Variants in SEPTIN11 observed in about 807,000 individuals in gnomAD.
SEPTIN11 encodes septin-11.
Under a neutral mutation model 51.4 loss-of-function variants are expected in SEPTIN11, and 25 were observed. The observed-to-expected ratio is 0.49, with a 90% CI of 0.35 to 0.68. SEPTIN11 has a LOEUF of 0.68. SEPTIN11 is among the 30% of genes least tolerant of loss of function. The pLI, the probability that SEPTIN11 is intolerant of heterozygous loss-of-function variation, is 0.00. For synonymous variants in SEPTIN11, 174 were observed against 184.1 expected (o/e 0.95, Z 0.44); for missense variants, 381 against 520.8 (o/e 0.73, Z 2.61).
chr4:77,016,247 T>C (rs1356040882), intron 5 of SEPTIN11, among the ~76,000 whole-genome samples: 1 of 151,886 alleles, frequency 6.6e-6, no homozygotes, highest in Non-Finnish European at 1.5e-5. Flanking sequence ...GCTGTTATTA[T>C]TCCTCCCTCA....
rs139320198 is a variant in SEPTIN11 at position 76,995,949 on chromosome 4, C to A, written c.28-476C>A. 250 of 1,534,806 alleles carry A rather than the reference C, an allele frequency of 1.6e-4. No individual in the cohort carries two copies. The African/African-American group carries it at 3.1e-3, about 19-fold the overall frequency. On this transcript the variant is annotated intron_variant, in intron 1 of 9. Transcript: ENST00000264893. The stretch of plus-strand genomic sequence containing the variant: ...TATGCTGCATTTATGGTAGGTAGAG[C>A]ATTGTCATCATTGTAAGGAGTATGA...
Position 77,019,118 on chromosome 4 carries a change from T to G in SEPTIN11, c.688-47T>G, listed in dbSNP as rs1327011901. ...AGATAGAGACTGGTGGAAACCAGTC[T>G]GTCAGAGCAGGGGAAAGTAACTATT... On this transcript the variant is annotated intron_variant, in intron 5 of 9. Coordinates refer to ENST00000264893, the MANE Select transcript of SEPTIN11 (RefSeq NM_018243.4). 5 of 1,546,388 alleles carry G rather than the reference T, an allele frequency of 3.2e-6. No homozygotes were observed. In the East Asian group the frequency reaches 9.2e-5, roughly 29 times the overall value.
At chr4:77,011,648 G>A in intron 3 of SEPTIN11, 87 bp from the exon 4 acceptor site, 2 of 1,292,196 alleles carry the variant, frequency 1.5e-6, no homozygotes, top group African/African-American at 1.5e-5. Flanking sequence ...TTAGCCCTTA[G>A]GAGAGAAGAA....
chr4:76,974,145 C>G (rs569984993), intron 1 of SEPTIN11, among the ~76,000 whole-genome samples: 1 of 152,236 alleles, frequency 6.6e-6, no homozygotes, highest in African/African-American at 2.4e-5. Context: ...GAATTGGTTT[C>G]TCTCCCCTCT....
rs993636055 is a variant in SEPTIN11, at chr4:77,038,482, A to G, written c.*3970A>G. On this transcript the variant is annotated 3_prime_UTR_variant, in exon 10 of 10. Transcript: ENST00000264893. ...GAAGCATATCATTTTTTCAAATATG[A>G]AAGTGATCACTTAGCAACATGCTTG... is the stretch of plus-strand genomic sequence containing the variant. 3.0e-6 allele frequency: 3 copies of G among 985,886 alleles called. No homozygotes were observed. The highest frequency in any genetic ancestry group is 3.6e-6 in the Non-Finnish European group (3 of 830,020). 61.1% of individuals were successfully genotyped at this position (985,886 alleles called of 1,614,324 possible). A position where few individuals can be genotyped will look rare whatever the true frequency, so the allele number is the denominator to read the frequency against.
In SEPTIN11 at chr4:77,014,911, A is replaced by T. The variant is rs1725111830; in HGVS notation, c.581A>T (p.His194Leu). 1 of 1,614,204 alleles carries T rather than the reference A, an allele frequency of 6.2e-7. No homozygotes were observed. Among genetic ancestry groups the T allele is most frequent in the Admixed American group, 1.7e-5 (1 of 60,026 alleles). Reference sequence around the variant, plus strand: ...GACACCATTGCCAAGAATGAACTGCACAAATTCAAGAGTAAGATCATGAGT... The same window carrying T: ...GACACCATTGCCAAGAATGAACTGCTCAAATTCAAGAGTAAGATCATGAGT... ...KADTIAKNEL[H>L]KFKSKIMSEL... is the part of the protein sequence containing the mutation. The change falls in exon 5 of 10, where the codon CAC (histidine) becomes CTC (leucine). Residue 194 changes from histidine to leucine, a missense_variant. Physicochemically the swap from His to Leu is moderately conservative, Grantham distance 99. Around this residue, in one of 2 missense-constraint regions of SEPTIN11, gnomAD observed 197 missense variants for 313.1 expected, o/e 0.63. Transcript: ENST00000264893.
At chr4:77,021,675 A>C (rs542264981) in intron 7 of SEPTIN11, 1 of 152,330 alleles carries the variant, frequency 6.6e-6, no homozygotes, top group African/African-American at 2.4e-5. Flanking sequence ...TGGGGAAAAA[A>C]AACCTGTCTT....
At chr4:76,966,448 AC>A (rs777730712) in intron 1 of SEPTIN11, among the ~76,000 whole-genome samples, 2 of 152,130 alleles carry the variant, frequency 1.3e-5, no homozygotes, top group Non-Finnish European at 2.9e-5. Context: ...CAAAGAAGCC[AC>A]AAGATGAGTA....
In SEPTIN11 at chr4:77,036,026, C is replaced by A; in HGVS notation, c.*1514C>A. On this transcript the variant is annotated 3_prime_UTR_variant, in exon 10 of 10. Transcript: ENST00000264893. Reference sequence around the variant, plus strand: ...CTGCGTCTCCCCTGACACACACTTTCTTTTTTGAATGAGCAAGTCTCCATT... The same window carrying A: ...CTGCGTCTCCCCTGACACACACTTTATTTTTTGAATGAGCAAGTCTCCATT... 1.0e-6 allele frequency: 1 copy of A among 985,894 alleles called. No homozygotes were observed. The highest frequency in any genetic ancestry group is 1.2e-6 in the Non-Finnish European group (1 of 829,964). The allele number at this position is 985,894 out of a possible 1,614,324, so 61.1% of individuals were successfully genotyped here. A position where few individuals can be genotyped will look rare whatever the true frequency, so the allele number is the denominator to read the frequency against.
rs1725925357 is a variant in SEPTIN11 at position 77,024,001 on chromosome 4, TC to T, written c.953+3334del. ...ATGGGTGTGCAGTGAAGTTCATCCT[TC>T]CCAGTGAGCACCCTCGTTCACCTTT... is the stretch of plus-strand genomic sequence containing the variant. On this transcript the variant is annotated intron_variant, in intron 7 of 9. Transcript: ENST00000264893. The surrounding 1 kb of genome is among the most constrained non-coding windows in gnomAD (Gnocchi z 4.2). Among the ~76,000 whole-genome samples, 1 of 152,140 alleles carries T rather than the reference TC, an allele frequency of 6.6e-6. No individual in the cohort carries two copies. Among genetic ancestry groups the T allele is most frequent in the Non-Finnish European group, 1.5e-5 (1 of 68,010 alleles).
intron 1 of SEPTIN11, among the ~76,000 whole-genome samples, chr4:76,985,990 A>C (rs1723007818): frequency 6.6e-6 from 1 of 152,146 alleles, no homozygotes; most frequent in African/African-American, 2.4e-5. Context: ...AGAGTGGGAA[A>C]AATTTGGCCG....
Position 77,016,615 on chromosome 4 carries a change from C to T in SEPTIN11, c.687+1598C>T, listed in dbSNP as rs867342553. Among the ~76,000 whole-genome samples, 129 of 79,224 alleles carry T rather than the reference C, an allele frequency of 1.6e-3. 2 individuals carry two copies. The East Asian group carries it at 0.031, about 19-fold the overall frequency. 52.0% of individuals were successfully genotyped at this position (79,224 alleles called of 152,430 possible). A position where few individuals can be genotyped will look rare whatever the true frequency, so the allele number is the denominator to read the frequency against. On this transcript the variant is annotated intron_variant, in intron 5 of 9. Coordinates refer to ENST00000264893, the MANE Select transcript of SEPTIN11 (RefSeq NM_018243.4). ...ATACACACACATATATATATATACA[C>T]ATATATATATATATACACATATATA... is the stretch of plus-strand genomic sequence containing the variant.
chr4:77,019,591 A>C (rs1458449147), intron 6 of SEPTIN11, among the ~76,000 whole-genome samples: 1 of 152,246 alleles, frequency 6.6e-6, no homozygotes, highest in Non-Finnish European at 1.5e-5. Flanking sequence ...ATTAAAAAGC[A>C]GCAAAAAGTT....
At chr4:77,038,952 T>C (rs914160842), downstream of SEPTIN11, 10 of 616,958 alleles carry the variant, frequency 1.6e-5, no homozygotes, top group Non-Finnish European at 2.6e-5. Flanking sequence ...CTCGAGGAAG[T>C]CACCCCATTA....
rs1445412760 is a variant in SEPTIN11 at position 77,038,571 on chromosome 4, G to A, written c.*4059G>A. The A allele has an allele frequency of 2.2e-5, 22 of 994,388 alleles. No homozygotes were observed. Among genetic ancestry groups the A allele is most frequent in the Non-Finnish European group, 2.6e-5 (22 of 835,626 alleles). The allele number at this position is 994,388 out of a possible 1,614,324, so 61.6% of individuals were successfully genotyped here. A position where few individuals can be genotyped will look rare whatever the true frequency, so the allele number is the denominator to read the frequency against. Reference sequence around the variant, plus strand: ...GATAATCTATGCATATATCACTAGTGCCAAGACATAAAGCGGGGGAAAATA... The same window carrying A: ...GATAATCTATGCATATATCACTAGTACCAAGACATAAAGCGGGGGAAAATA... On this transcript the variant is annotated 3_prime_UTR_variant, in exon 10 of 10. Transcript: ENST00000264893.
At chr4:76,951,225 T>C (rs1721328840) in intron 1 of SEPTIN11, among the ~76,000 whole-genome samples, 1 of 152,202 alleles carries the variant, frequency 6.6e-6, no homozygotes, top group African/African-American at 2.4e-5. Flanking sequence ...CATGGGTCCC[T>C]TTGCGGATTC....
At chr4:76,978,640 G>A (rs1025173076) in intron 1 of SEPTIN11, among the ~76,000 whole-genome samples, 1 of 152,142 alleles carries the variant, frequency 6.6e-6, no homozygotes, top group Non-Finnish European at 1.5e-5. Context: ...GAATAATAAC[G>A]GTGCACACCT....
At chr4:77,018,266 C>A (rs182195018) in intron 5 of SEPTIN11, among the ~76,000 whole-genome samples, 6 of 152,018 alleles carry the variant, frequency 3.9e-5, no homozygotes, top group Non-Finnish European at 8.8e-5. Flanking sequence ...CTGGCTAACA[C>A]GGTGAAACCC....
intron 1 of SEPTIN11, among the ~76,000 whole-genome samples, chr4:76,956,070 T>G (rs1721545175): frequency 6.6e-6 from 1 of 152,208 alleles, no homozygotes; most frequent in Non-Finnish European, 1.5e-5. Context: ...GACTTCATGC[T>G]GTTTTAGTTA....
Sources: gnomAD v4.1 joint callset for allele counts (sites outside exome capture counted in the v4.1 genomes callset) on GRCh38, gnomAD v4.1.1 for gene constraint, gnomAD v4.1.1 regional missense constraint, Gnocchi (gnomAD v3.1) non-coding constraint, MANE v1.5 for transcripts, NCBI Gene and HGNC (gene_info 2026-07-23, HGNC 2026-07-21) for gene names.